The following FBXL13 variants were observed in gnomAD, a reference collection of about 807,000 sequenced individuals.
FBXL13 encodes the protein F-box and leucine rich repeat protein 13.
In FBXL13, 67 loss-of-function variants were observed where a neutral mutation model predicts 83.6. The ratio of observed to expected loss-of-function variants is 0.80; its 90% confidence interval spans 0.66 to 0.98. The LOEUF (loss-of-function observed/expected upper bound fraction) is 0.98, where lower values mean the gene tolerates loss of function less well. Among genes scored for constraint, FBXL13 ranks in the 50% least tolerant of loss-of-function variants. FBXL13 has a pLI of 0.00. For synonymous variants in FBXL13, 272 were observed against 299.5 expected, an observed-to-expected ratio of 0.91 and a Z score of 0.95; for missense variants, 822 against 866.5, an observed-to-expected ratio of 0.95 and a Z score of 0.64.
chr7:102,960,345 G>T (rs1335845296), intron 8 of FBXL13, among the ~76,000 whole-genome samples: 1 of 152,056 alleles, frequency 6.6e-6, no homozygotes, highest in Non-Finnish European at 1.5e-5. Flanking sequence ...ATAATCAATA[G>T]CTTACCAATC....
intron 6 of FBXL13, among the ~76,000 whole-genome samples, chr7:103,015,797 C>CAAAAAAAA (rs56376102): frequency 8.7e-6 from 1 of 115,498 alleles, no homozygotes. Flanking sequence ...ACTCTCATCT[C>CAAAAAAAA]AAAAAAAAAA....
chr7:103,007,891 G>T (rs1344960386), intron 6 of FBXL13, among the ~76,000 whole-genome samples: 8 of 152,142 alleles, frequency 5.3e-5, no homozygotes, highest in African/African-American at 1.7e-4. Context: ...GGCCATCCTG[G>T]CACAGGGTTT....
At chr7:102,875,935 C>T (rs1446060800) in intron 16 of FBXL13, among the ~76,000 whole-genome samples, 4 of 152,138 alleles carry the variant, frequency 2.6e-5, no homozygotes, top group Non-Finnish European at 5.9e-5. Context: ...GAGGAAAACC[C>T]TGGAATGTCC....
At chr7:102,813,597 C>T (rs1380574864) in intron 19 of FBXL13, 66 bp from the exon 21 acceptor site, 3 of 1,532,700 alleles carry the variant, frequency 2.0e-6, no homozygotes, top group Admixed American at 1.9e-5. Flanking sequence ...TTTTCAAACT[C>T]AACCAAATTT....
chr7:103,020,751 A>C (rs978888793), intron 6 of FBXL13, among the ~76,000 whole-genome samples: 2 of 152,212 alleles, frequency 1.3e-5, no homozygotes, highest in Non-Finnish European at 2.9e-5. Context: ...AAAGAGAATA[A>C]AATACCTAGG....
intron 2 of FBXL13, among the ~76,000 whole-genome samples, chr7:103,042,826 G>A (rs1795866888): frequency 6.6e-6 from 1 of 152,144 alleles, no homozygotes; most frequent in Non-Finnish European, 1.5e-5. Flanking sequence ...AACTCAAGAT[G>A]CATTAAAGAC....
chr7:103,045,114 A>C (rs4729866), intron 2 of FBXL13, among the ~76,000 whole-genome samples: 80,690 of 152,116 alleles, frequency 0.53, 24,049 homozygotes, highest in Non-Finnish European at 0.66. Context: ...TAGACACAAA[A>C]AGGGAAATGA....
At chr7:102,828,934 C>T (rs1280189702) in intron 18 of FBXL13, among the ~76,000 whole-genome samples, 3 of 152,098 alleles carry the variant, frequency 2.0e-5, no homozygotes, top group Non-Finnish European at 1.5e-5. Context: ...CAGTTCTCTC[C>T]CTTTTGTAGA....
At chr7:102,902,136 G>A (rs1381209805) in intron 11 of FBXL13, among the ~76,000 whole-genome samples, 1 of 152,134 alleles carries the variant, frequency 6.6e-6, no homozygotes, top group African/African-American at 2.4e-5. Context: ...TTTAACGGGG[G>A]TAAGATGATA....
intron 7 of FBXL13, among the ~76,000 whole-genome samples, chr7:102,964,404 A>ATATATATATATATATATATTTTTTTT (rs796873670): frequency 3.5e-5 from 5 of 143,290 alleles, no homozygotes; most frequent in African/African-American, 1.3e-4. Flanking sequence ...ATATATATAT[A>ATATATATATATATATATATTTTTTTT]TTTTTTTTTT....
chr7:103,073,305 T>G (rs1799193121), intron 1 of FBXL13, among the ~76,000 whole-genome samples: 1 of 152,252 alleles, frequency 6.6e-6, no homozygotes, highest in East Asian at 1.9e-4. Flanking sequence ...CAACTTGCAC[T>G]TTTTCTTTTT....
chr7:102,964,390 C>CTATATATATATGTGTGTGTATATA (rs1563159810), intron 7 of FBXL13, among the ~76,000 whole-genome samples: 20 of 140,460 alleles, frequency 1.4e-4, no homozygotes, highest in African/African-American at 5.5e-4. Flanking sequence ...AATTTTGTGA[C>CTATATATATATGTGTGTGTATATA]TATATATATA....
In FBXL13 at chr7:102,872,758, T is replaced by A. The variant is rs116500086; in HGVS notation, c.1635+4709A>T. Among the ~76,000 whole-genome samples the A allele has an allele frequency of 2.7e-3, 415 of 152,348 alleles. 3 individuals carry two copies. Among genetic ancestry groups the A allele is most frequent in the African/African-American group, 9.6e-3 (399 of 41,594 alleles). ...CATTTAAGTGAACATTTTGAAAAGC[T>A]GTAGAAGATTAAAGATTTCTAAAGA... On this transcript the variant is annotated intron_variant, in intron 16 of 19. Coordinates refer to ENST00000313221, the Ensembl canonical transcript of FBXL13.
intron 11 of FBXL13, among the ~76,000 whole-genome samples, chr7:102,897,665 T>C (rs933784707): frequency 2.0e-5 from 3 of 152,220 alleles, no homozygotes; most frequent in African/African-American, 7.2e-5. Flanking sequence ...GTTATGTTTT[T>C]TCCCTTGAGT....
intron 6 of FBXL13, among the ~76,000 whole-genome samples, chr7:102,996,621 A>G (rs1789819586): frequency 6.6e-6 from 1 of 152,170 alleles, no homozygotes; most frequent in African/African-American, 2.4e-5. Context: ...CCTTGTGACA[A>G]AGTTCTAACC....
intron 2 of FBXL13, among the ~76,000 whole-genome samples, chr7:103,040,841 A>G (rs180906937): frequency 6.6e-6 from 1 of 152,330 alleles, no homozygotes; most frequent in East Asian, 1.9e-4. Flanking sequence ...GTGTAGAGGG[A>G]AATTGATAGC....
intron 17 of FBXL13, among the ~76,000 whole-genome samples, chr7:102,839,023 C>T (rs1299396477): frequency 2.6e-5 from 4 of 152,212 alleles, no homozygotes; most frequent in African/African-American, 4.8e-5. Context: ...CCCCTGGAAA[C>T]GGCATGTCTT....
At chr7:102,867,693 A>G (rs1173526493) in intron 16 of FBXL13, among the ~76,000 whole-genome samples, 2 of 66,496 alleles carry the variant, frequency 3.0e-5, no homozygotes, top group African/African-American at 2.1e-4. Context: ...ATATATATAT[A>G]TATTTTTTTT....
intron 6 of FBXL13, among the ~76,000 whole-genome samples, chr7:103,005,263 G>A (rs1252662782): frequency 1.3e-5 from 2 of 152,152 alleles, no homozygotes; most frequent in East Asian, 3.9e-4. Flanking sequence ...GGAAGCAAAA[G>A]TAGGTACAGA....
Sources: allele counts gnomAD v4.1 joint callset (sites outside exome capture counted in the v4.1 genomes callset), GRCh38; gene constraint gnomAD v4.1.1; transcripts MANE v1.5; gene names NCBI Gene and HGNC (gene_info 2026-07-23, HGNC 2026-07-21).